The following SBF2 variants were observed in gnomAD, a reference collection of about 807,000 sequenced individuals.
The protein encoded by SBF2 is SET binding factor 2, also known as myotubularin-related protein 13.
A neutral mutation model predicts 225.2 loss-of-function variants in SBF2; 112 were observed. The ratio of observed to expected loss-of-function variants is 0.50; its 90% CI spans 0.43 to 0.58. The LOEUF (loss-of-function observed/expected upper bound fraction) is 0.58. Among genes scored for constraint, SBF2 ranks in the 20% least tolerant of loss-of-function variants. The pLI, the probability that SBF2 is intolerant of heterozygous loss-of-function variation, is 0.00. For missense variants in SBF2, 1,996 were observed against 2,206.2 expected, an observed-to-expected ratio of 0.90 and a Z score of 1.91; for synonymous variants, 763 against 773.3, an observed-to-expected ratio of 0.99 and a Z score of 0.22.
chr11:9,865,200 T>TA (rs1417557600), intron 17 of SBF2, among the ~76,000 whole-genome samples: 1 of 152,218 alleles, frequency 6.6e-6, no homozygotes, highest in East Asian at 1.9e-4. Context: ...ATTATGTTGT[T>TA]AGATTTATTC....
At chr11:10,192,566 T>G (rs1591182005) in intron 2 of SBF2, among the ~76,000 whole-genome samples, 1 of 152,342 alleles carries the variant, frequency 6.6e-6, no homozygotes, top group African/African-American at 2.4e-5. Context: ...ACAACTCATT[T>G]ATGGAAGACA....
intron 6 of SBF2, among the ~76,000 whole-genome samples, chr11:10,007,280 A>G (rs1324678703): frequency 2.0e-5 from 3 of 151,984 alleles, no homozygotes; most frequent in Non-Finnish European, 2.9e-5. Context: ...TTTCTCATCT[A>G]TTCTCTCTTC....
chr11:10,015,261 G>A (rs1026870349), intron 6 of SBF2, among the ~76,000 whole-genome samples: 1 of 152,162 alleles, frequency 6.6e-6, no homozygotes, highest in Non-Finnish European at 1.5e-5. Context: ...GACTCCGGAT[G>A]AATTTAGTTA....
In SBF2 at chr11:9,829,493, G is replaced by A; in HGVS notation, c.3656C>T (p.Pro1219Leu). 6.2e-7 allele frequency: 1 copy of A among 1,609,860 alleles called. No homozygotes were observed. Among genetic ancestry groups the A allele is most frequent in the African/African-American group, 1.3e-5 (1 of 74,978 alleles). ...ACTGGAAGATTCTAAAGAGGAGGTA[G>A]GAGCTATAAAAGGAAAATATATTGA... Reference protein sequence around the residue: ...FKSQNSPQAAPTSSLESSSSI... With the variant: ...FKSQNSPQAALTSSLESSSSI... The change falls in exon 28 of 40, where the codon CCT becomes CTT. Residue 1219 changes from proline (P) to leucine (L), a missense_variant. Pro to Leu is a moderately conservative substitution (Grantham distance 98). Transcript: ENST00000256190.
chr11:10,027,736 A>C (rs1289714848), intron 6 of SBF2, among the ~76,000 whole-genome samples: 1 of 152,172 alleles, frequency 6.6e-6, no homozygotes, highest in Non-Finnish European at 1.5e-5. Context: ...AAAGCTGTCC[A>C]AGGTACAGTG....
intron 2 of SBF2, among the ~76,000 whole-genome samples, chr11:10,059,773 A>T (rs904109353): frequency 1.3e-5 from 2 of 152,200 alleles, no homozygotes; most frequent in South Asian, 2.1e-4. Flanking sequence ...CATGCTCCTG[A>T]GTGATTTTGG....
At chr11:9,819,858 T>A (rs1167762151) in intron 28 of SBF2, among the ~76,000 whole-genome samples, 3 of 152,238 alleles carry the variant, frequency 2.0e-5, no homozygotes, top group African/African-American at 7.2e-5. Context: ...GCTATCTTCC[T>A]TCTTCTCTTT....
At chr11:9,801,763 G>A (rs991215317) in intron 32 of SBF2, among the ~76,000 whole-genome samples, 1 of 152,196 alleles carries the variant, frequency 6.6e-6, no homozygotes, top group African/African-American at 2.4e-5. Context: ...TGAATAGGCA[G>A]CAGACAGCAG....
intron 16 of SBF2, among the ~76,000 whole-genome samples, chr11:9,898,795 A>G (rs556534482): frequency 1.1e-3 from 167 of 152,376 alleles, no homozygotes; most frequent in African/African-American, 3.6e-3. Context: ...TATGCTAAAA[A>G]TAATATTTTA....
intron 2 of SBF2, among the ~76,000 whole-genome samples, chr11:10,078,904 T>C (rs1235894918): frequency 6.6e-6 from 1 of 152,172 alleles, no homozygotes; most frequent in Non-Finnish European, 1.5e-5. Context: ...CAACCTTACA[T>C]TATGACTGCA....
chr11:10,134,489 C>T (rs1954251930), intron 2 of SBF2, among the ~76,000 whole-genome samples: 1 of 152,140 alleles, frequency 6.6e-6, no homozygotes, highest in Non-Finnish European at 1.5e-5. Context: ...TCATCAGAGA[C>T]AAGGCAAGTC....
chr11:10,169,916 T>C (rs904060264), intron 2 of SBF2, among the ~76,000 whole-genome samples: 10 of 152,224 alleles, frequency 6.6e-5, no homozygotes, highest in African/African-American at 2.4e-4. Flanking sequence ...TTGATCTGCA[T>C]TTCTCTGATG....
chr11:9,833,546 G>A (rs991519496), intron 26 of SBF2, among the ~76,000 whole-genome samples: 3 of 150,238 alleles, frequency 2.0e-5, no homozygotes, highest in Admixed American at 6.7e-5. Flanking sequence ...TCAGCCTCCC[G>A]AGTAGCTACG....
intron 1 of SBF2, among the ~76,000 whole-genome samples, chr11:10,264,592 A>T (rs1366323283): frequency 2.0e-5 from 3 of 152,110 alleles, no homozygotes; most frequent in East Asian, 1.9e-4. Flanking sequence ...AATTTTTAAA[A>T]TTTTTATTAT....
intron 1 of SBF2, among the ~76,000 whole-genome samples, chr11:10,292,408 G>A (rs1964215650): frequency 6.6e-6 from 1 of 152,130 alleles, no homozygotes; most frequent in Admixed American, 6.5e-5. Flanking sequence ...TTGGCCGGGC[G>A]TGGTGGCTCA....
intron 16 of SBF2, among the ~76,000 whole-genome samples, chr11:9,930,617 T>G (rs1309412414): frequency 1.3e-5 from 2 of 152,210 alleles, no homozygotes; most frequent in East Asian, 1.9e-4. Flanking sequence ...AGTTATTAAC[T>G]TGGGGAGATC....
At chr11:10,273,226 T>C (rs146276033) in intron 1 of SBF2, among the ~76,000 whole-genome samples, 110 of 152,342 alleles carry the variant, frequency 7.2e-4, no homozygotes, top group African/African-American at 2.4e-3. Flanking sequence ...AGACCCATTG[T>C]ACAAAAGGGA....
chr11:10,094,862 G>A (rs964362475), intron 2 of SBF2, among the ~76,000 whole-genome samples: 3 of 151,574 alleles, frequency 2.0e-5, no homozygotes, highest in South Asian at 2.1e-4. Context: ...TGGTGGTAAC[G>A]GGGAGTGGGT....
intron 33 of SBF2, among the ~76,000 whole-genome samples, chr11:9,794,988 T>C (rs891247651): frequency 1.3e-5 from 2 of 152,190 alleles, no homozygotes; most frequent in African/African-American, 4.8e-5. Flanking sequence ...GTAAATATTT[T>C]CTTGGAATTA....
Sources: gnomAD v4.1 joint callset for allele counts (sites outside exome capture counted in the v4.1 genomes callset) on GRCh38, gnomAD v4.1.1 for gene constraint, MANE v1.5 for transcripts, NCBI Gene and HGNC (gene_info 2026-07-23, HGNC 2026-07-21) for gene names.